The following BPNT2 variants were observed in gnomAD, a reference collection of about 807,000 sequenced individuals.
The protein encoded by BPNT2 is Golgi-resident adenosine 3',5'-bisphosphate 3'-phosphatase.
Under a neutral mutation model 29.3 loss-of-function variants are expected in BPNT2, and 11 were observed. The observed-to-expected ratio is 0.38, with a 90% CI of 0.24 to 0.62. The LOEUF (loss-of-function observed/expected upper bound fraction) is 0.62. BPNT2 is among the 20% of genes least tolerant of loss of function. The pLI is 0.62. For synonymous variants in BPNT2, 195 were observed against 187.7 expected (o/e 1.04, Z -0.32); for missense variants, 459 against 473.4 (o/e 0.97, Z 0.28).
At position 56,993,599 on chromosome 8, in the gene BPNT2, G is replaced by T; in HGVS notation, c.-14C>A. The T allele has an allele frequency of 7.1e-7, 1 of 1,415,522 alleles. No homozygotes were observed. Among genetic ancestry groups the T allele is most frequent in the Non-Finnish European group, 9.3e-7 (1 of 1,079,614 alleles). 87.7% of individuals were successfully genotyped at this position (1,415,522 alleles called of 1,614,324 possible). ...CATGGGGGCCATGGCGTGGGAAGCC[G>T]GGCGCTCCGGGCTGCGGCTCTCACA... On this transcript the variant is annotated 5_prime_UTR_variant, in exon 1 of 5. Transcript: ENST00000262644.
At chr8:56,990,170 T>C (rs1427340779) in intron 1 of BPNT2, among the ~76,000 whole-genome samples, 1 of 152,220 alleles carries the variant, frequency 6.6e-6, no homozygotes, top group Admixed American at 6.5e-5. Flanking sequence ...CAGACCCAAG[T>C]GGCTGCTACC....
intron 1 of BPNT2, among the ~76,000 whole-genome samples, chr8:56,982,832 A>G (rs1039724661): frequency 6.6e-5 from 10 of 152,198 alleles, no homozygotes; most frequent in Non-Finnish European, 1.3e-4. Flanking sequence ...TAATTCCATC[A>G]ATTAGTAGTT....
In BPNT2 at chr8:56,993,660, G is replaced by A; in HGVS notation, c.-75C>T. The A allele has an allele frequency of 4.3e-6, 5 of 1,165,540 alleles. No individual in the cohort carries two copies. The highest frequency in any genetic ancestry group is 5.3e-6 in the Non-Finnish European group (5 of 948,814). 72.2% of individuals were successfully genotyped at this position (1,165,540 alleles called of 1,614,324 possible). A position where few individuals can be genotyped will look rare whatever the true frequency, so the allele number is the denominator to read the frequency against. On this transcript the variant is annotated 5_prime_UTR_variant, in exon 1 of 5. Coordinates refer to ENST00000262644, the MANE Select transcript of BPNT2 (RefSeq NM_017813.5). ...GCCCGCCGCCGCCGCCGCCGCAGCC[G>A]CCGCGCTCCGGGCCAGGCGCCGCGC...
At chr8:56,990,905 T>C (rs915526157) in intron 1 of BPNT2, among the ~76,000 whole-genome samples, 9 of 152,160 alleles carry the variant, frequency 5.9e-5, no homozygotes, top group Admixed American at 1.3e-4. Flanking sequence ...TACATTTACA[T>C]AGGGCACTAG....
chr8:56,982,390 G>C (rs1806259889), intron 1 of BPNT2, among the ~76,000 whole-genome samples: 1 of 152,104 alleles, frequency 6.6e-6, no homozygotes, highest in African/African-American at 2.4e-5. Flanking sequence ...CAAAGTACTG[G>C]GATTACAGGC....
intron 1 of BPNT2, among the ~76,000 whole-genome samples, chr8:56,988,048 A>G (rs1269750629): frequency 1.3e-5 from 2 of 152,046 alleles, no homozygotes; most frequent in East Asian, 1.9e-4. Context: ...TTTTCTAAAC[A>G]TATAAATAAA....
chr8:56,960,347 CCT>C lies in BPNT2; in HGVS notation c.*3444_*3445del, dbSNP rs1483550466. On this transcript the variant is annotated 3_prime_UTR_variant, in exon 5 of 5. Transcript: ENST00000262644. Reference sequence around the variant, plus strand: ...GGGTAGATGTCTGCTTTGCATCCTCCCTGTTACCCTTCTCCTGACCTCCCTCT... The same window carrying C: ...GGGTAGATGTCTGCTTTGCATCCTCCGTTACCCTTCTCCTGACCTCCCTCT... 1 of 152,150 alleles carries C rather than the reference CCT, an allele frequency of 6.6e-6. No homozygotes were observed. Among genetic ancestry groups the C allele is most frequent in the African/African-American group, 2.4e-5 (1 of 41,412 alleles). 9.4% of individuals were successfully genotyped at this position (152,150 alleles called of 1,614,324 possible). A position where few individuals can be genotyped will look rare whatever the true frequency, so the allele number is the denominator to read the frequency against.
chr8:56,980,819 TACACACACACAC>T (rs71258552), intron 1 of BPNT2, among the ~76,000 whole-genome samples: 10 of 141,508 alleles, frequency 7.1e-5, no homozygotes, highest in South Asian at 2.3e-4. Context: ...TACATACATA[TACACACACACAC>T]ACACACACAC....
At chr8:56,967,613 G>T (rs754034201) in intron 3 of BPNT2, among the ~76,000 whole-genome samples, 1 of 152,100 alleles carries the variant, frequency 6.6e-6, no homozygotes, top group Non-Finnish European at 1.5e-5. Context: ...ATTGAAAAAG[G>T]CTTGAAACTT....
chr8:56,973,350 T>C (rs1364210263), intron 3 of BPNT2, among the ~76,000 whole-genome samples: 1 of 152,106 alleles, frequency 6.6e-6, no homozygotes, highest in East Asian at 1.9e-4. Context: ...GAAAGGACTG[T>C]CAATACCAAT....
At chr8:56,986,133 T>G (rs1271680016) in intron 1 of BPNT2, among the ~76,000 whole-genome samples, 1 of 152,192 alleles carries the variant, frequency 6.6e-6, no homozygotes, top group Non-Finnish European at 1.5e-5. Flanking sequence ...TTTTCCCTTT[T>G]ATAAAAGTAA....
At chr8:56,993,133 G>A (rs1266898747) in intron 1 of BPNT2, 66 bp downstream of exon 1, 1 of 1,549,028 alleles carries the variant, frequency 6.5e-7, no homozygotes, top group African/African-American at 1.4e-5. Flanking sequence ...ATCCCATACT[G>A]TTAAGAGTCG....
Position 56,993,404 on chromosome 8 carries a change from A to C in BPNT2, c.182T>G (p.Val61Gly). Residue 61 changes from valine to glycine, a missense_variant, in exon 1 of 5, where the codon GTG (valine) becomes GGG (glycine). By Grantham distance (109) the Val-to-Gly change is moderately radical. Coordinates refer to ENST00000262644, the MANE Select transcript of BPNT2 (RefSeq NM_017813.5). Reference protein sequence around the residue: ...GPAAAADGGTVDLREMLAVSV... With the variant: ...GPAAAADGGTGDLREMLAVSV... ...CACAGCCAGCATCTCGCGCAAGTCC[A>C]CGGTGCCCCCATCGGCCGCGGCCGC... The C allele has an allele frequency of 6.2e-7, 1 of 1,601,634 alleles. No individual in the cohort carries two copies. Among genetic ancestry groups the C allele is most frequent in the Non-Finnish European group, 8.5e-7 (1 of 1,176,898 alleles).
At chr8:56,973,198 C>T (rs953432039) in intron 3 of BPNT2, among the ~76,000 whole-genome samples, 1 of 152,034 alleles carries the variant, frequency 6.6e-6, no homozygotes, top group Non-Finnish European at 1.5e-5. Flanking sequence ...CTGGACAATG[C>T]CCCTGGCTAC....
At chr8:56,968,970 C>T (rs1805990592) in intron 3 of BPNT2, among the ~76,000 whole-genome samples, 1 of 152,090 alleles carries the variant, frequency 6.6e-6, no homozygotes, top group African/African-American at 2.4e-5. Context: ...GACTGGTGTC[C>T]TTATAAGCAG....
intron 3 of BPNT2, among the ~76,000 whole-genome samples, chr8:56,969,018 G>A (rs934181814): frequency 6.6e-6 from 1 of 152,180 alleles, no homozygotes; most frequent in Admixed American, 6.5e-5. Flanking sequence ...AAGATAGGCA[G>A]AGACTGGCTG....
chr8:56,993,410 C>T lies in BPNT2; in HGVS notation c.176G>A (p.Gly59Asp), dbSNP rs147738902. The change falls in exon 1 of 5, where the codon GGC (glycine) becomes GAC (aspartate). Residue 59 changes from glycine (G) to aspartate (D), a missense_variant. Physicochemically the swap from Gly to Asp is moderately conservative, Grantham distance 94. Transcript: ENST00000262644. ...CAGCATCTCGCGCAAGTCCACGGTG[C>T]CCCCATCGGCCGCGGCCGCGGGCCC... Reference protein sequence around the residue: ...AAGPAAAADGGTVDLREMLAV... With the variant: ...AAGPAAAADGDTVDLREMLAV... 1.0e-5 allele frequency: 16 copies of T among 1,562,488 alleles called. No homozygotes were observed. In the African/African-American group the frequency reaches 2.3e-4, roughly 22 times the overall value.
At chr8:56,990,493 G>T (rs1180887888) in intron 1 of BPNT2, among the ~76,000 whole-genome samples, 1 of 152,088 alleles carries the variant, frequency 6.6e-6, no homozygotes, top group African/African-American at 2.4e-5. Flanking sequence ...GGACTCTCTG[G>T]GATCTCTAAC....
chr8:56,966,917 A>C (rs1473824223), intron 3 of BPNT2, among the ~76,000 whole-genome samples: 2 of 152,260 alleles, frequency 1.3e-5, no homozygotes, highest in Non-Finnish European at 2.9e-5. Context: ...CTTTATAAAC[A>C]GAAAACAGTT....
Sources: gnomAD v4.1 joint callset for allele counts (sites outside exome capture counted in the v4.1 genomes callset) on GRCh38, gnomAD v4.1.1 for gene constraint, MANE v1.5 for transcripts, NCBI Gene and HGNC (gene_info 2026-07-23, HGNC 2026-07-21) for gene names.